The following PDE11A variants were observed in gnomAD, a reference collection of about 807,000 sequenced individuals.
PDE11A encodes phosphodiesterase 11A.
In PDE11A, 100 loss-of-function variants were observed where a neutral mutation model predicts 100.5. That is an observed-to-expected ratio of 1.00 (90% CI 0.85 to 1.18). The LOEUF is 1.18. Ranked by LOEUF, PDE11A falls within the 50% of genes most tolerant of loss-of-function variation. The pLI is 0.00. For synonymous variants in PDE11A, 381 were observed against 420.8 expected, an observed-to-expected ratio of 0.91 and a Z score of 1.16; for missense variants, 1,141 against 1,152.6, an observed-to-expected ratio of 0.99 and a Z score of 0.15.
chr2:177,858,531 C>G (rs1423073920), intron 5 of PDE11A, among the ~76,000 whole-genome samples: 2 of 152,062 alleles, frequency 1.3e-5, no homozygotes, highest in Non-Finnish European at 2.9e-5. Context: ...AAATGCAAAT[C>G]AAAACCACAA....
intron 5 of PDE11A, among the ~76,000 whole-genome samples, chr2:177,842,119 G>A (rs571791436): frequency 1.3e-4 from 20 of 152,332 alleles, no homozygotes; most frequent in Admixed American, 3.9e-4. Context: ...AGTTCATTCT[G>A]CACTGTGTAC....
rs1222704504 is a variant in PDE11A at position 177,829,195 on chromosome 2, T to TG, written c.1501-8901dup. ...ATGGAAACAGAGAGAGGAGCAGGCT[T>TG]GGGGGGCAGGAGACTGTGGCCTGTG... is the stretch of plus-strand genomic sequence containing the variant. On this transcript the variant is annotated intron_variant, in intron 6 of 19. Transcript: ENST00000286063. Among the ~76,000 whole-genome samples, 3 of 151,958 alleles carry TG rather than the reference T, an allele frequency of 2.0e-5. No individual in the cohort carries two copies. The South Asian group carries it at 6.2e-4, about 32-fold the overall frequency.
intron 2 of PDE11A, among the ~76,000 whole-genome samples, chr2:177,913,360 G>A (rs956502915): frequency 6.6e-5 from 10 of 151,970 alleles, no homozygotes; most frequent in East Asian, 1.9e-4. Context: ...TTTCTGTACC[G>A]GGCAATATTC....
chr2:178,092,251 T>C (rs953049852), intron 2 of PDE11A, among the ~76,000 whole-genome samples: 3 of 152,216 alleles, frequency 2.0e-5, no homozygotes, highest in Non-Finnish European at 2.9e-5. Context: ...TAGAGACTAC[T>C]GAACCACAAC....
At chr2:177,700,426 C>T (rs1295643277) in intron 14 of PDE11A, among the ~76,000 whole-genome samples, 3 of 149,996 alleles carry the variant, frequency 2.0e-5, no homozygotes, top group South Asian at 2.1e-4. Flanking sequence ...AAAGTCTGTA[C>T]GCTTGCAGAA....
At chr2:177,868,530 T>C (rs950055479) in intron 5 of PDE11A, among the ~76,000 whole-genome samples, 4 of 152,214 alleles carry the variant, frequency 2.6e-5, no homozygotes, top group Non-Finnish European at 5.9e-5. Context: ...AATTCTATCA[T>C]ATACCATTCT....
intron 2 of PDE11A, among the ~76,000 whole-genome samples, chr2:177,912,654 C>T (rs2084899469): frequency 6.6e-6 from 1 of 152,028 alleles, no homozygotes; most frequent in African/African-American, 2.4e-5. Flanking sequence ...GACCCATGTC[C>T]TTTCTAAAAT....
intron 19 of PDE11A, among the ~76,000 whole-genome samples, chr2:177,660,121 TTC>T (rs1375290294): frequency 2.0e-5 from 2 of 100,372 alleles, no homozygotes; most frequent in Non-Finnish European, 4.3e-5. Context: ...CTTTCTTTCT[TTC>T]TTTCTTTCAT....
chr2:177,731,097 T>A (rs1472081686), intron 10 of PDE11A, among the ~76,000 whole-genome samples: 8 of 152,240 alleles, frequency 5.3e-5, no homozygotes, highest in Admixed American at 3.3e-4. Flanking sequence ...TTTATCCATG[T>A]TAAAGCATAT....
intron 15 of PDE11A, among the ~76,000 whole-genome samples, chr2:177,696,144 C>T (rs1214081122): frequency 6.6e-6 from 1 of 152,070 alleles, no homozygotes; most frequent in Non-Finnish European, 1.5e-5. Flanking sequence ...GAAAGTCAAA[C>T]CAAGTTTAGA....
chr2:178,072,405 C>T lies in PDE11A; in HGVS notation c.33G>A (p.Val11=), dbSNP rs1285427960. Reference sequence around the variant, plus strand: ...CTGGGTGCCTGTCCAGGAAAGTTTCCACCTCCCCAAAGTCCAGGCGGGAGG... The same window carrying T: ...CTGGGTGCCTGTCCAGGAAAGTTTCTACCTCCCCAAAGTCCAGGCGGGAGG... MAASRLDFGE[V]ETFLDRHPEL... is the part of the protein sequence containing the mutation. Residue 11 remains valine (V), a synonymous_variant, in exon 1 of 20, where the codon GTG becomes GTA. Coordinates refer to ENST00000286063, the MANE Select transcript of PDE11A (RefSeq NM_016953.4). 6.2e-7 allele frequency: 1 copy of T among 1,613,600 alleles called. No individual in the cohort carries two copies. The highest frequency in any genetic ancestry group is 1.7e-5 in the Admixed American group (1 of 60,032).
chr2:177,761,713 A>G (rs777425322), intron 10 of PDE11A, among the ~76,000 whole-genome samples: 14 of 152,310 alleles, frequency 9.2e-5, no homozygotes, highest in Non-Finnish European at 1.9e-4. Flanking sequence ...ATTTATATAT[A>G]CAGATAGGGA....
At chr2:177,840,740 G>A (rs570624824) in intron 5 of PDE11A, among the ~76,000 whole-genome samples, 1 of 152,204 alleles carries the variant, frequency 6.6e-6, no homozygotes, top group South Asian at 2.1e-4. Flanking sequence ...CTTTTTAATT[G>A]AACAGACTAG....
intron 5 of PDE11A, among the ~76,000 whole-genome samples, chr2:177,840,760 C>T (rs2083479243): frequency 6.6e-6 from 1 of 152,048 alleles, no homozygotes; most frequent in Non-Finnish European, 1.5e-5. Context: ...GATGTTTTGG[C>T]ACAAGGAAGA....
intron 3 of PDE11A, among the ~76,000 whole-genome samples, chr2:177,903,042 C>T (rs1291728712): frequency 6.6e-6 from 1 of 152,172 alleles, no homozygotes; most frequent in Non-Finnish European, 1.5e-5. Context: ...AGAATGAAAG[C>T]CAAAGCCCTT....
At chr2:177,827,582 A>G (rs2083245369) in intron 6 of PDE11A, among the ~76,000 whole-genome samples, 1 of 152,256 alleles carries the variant, frequency 6.6e-6, no homozygotes, top group Admixed American at 6.5e-5. Flanking sequence ...TACTGAATTA[A>G]ACAATGGAAT....
intron 12 of PDE11A, among the ~76,000 whole-genome samples, chr2:177,715,473 T>C (rs984660968): frequency 4.0e-5 from 6 of 151,218 alleles, no homozygotes; most frequent in African/African-American, 1.5e-4. Context: ...TTTCTTTTCT[T>C]TTTTTTTTAA....
chr2:177,936,945 AC>A (rs2085282419), intron 2 of PDE11A, among the ~76,000 whole-genome samples: 1 of 152,064 alleles, frequency 6.6e-6, no homozygotes, highest in South Asian at 2.1e-4. Flanking sequence ...TTTAAGGGAT[AC>A]TTTTATTAAA....
At chr2:177,985,900 T>C (rs144618858) in intron 2 of PDE11A, among the ~76,000 whole-genome samples, 2 of 152,338 alleles carry the variant, frequency 1.3e-5, no homozygotes, top group Non-Finnish European at 2.9e-5. Context: ...GGAATTGCCC[T>C]AAAAAACATA....
Sources: allele counts gnomAD v4.1 joint callset (sites outside exome capture counted in the v4.1 genomes callset), GRCh38; gene constraint gnomAD v4.1.1; transcripts MANE v1.5; gene names NCBI Gene and HGNC (gene_info 2026-07-23, HGNC 2026-07-21).